CLASP2: variants seen among roughly 807,000 people sequenced by gnomAD.
The protein encoded by CLASP2 is CLIP-associating protein 2.
CLASP2 carries 47 observed loss-of-function variants against 194.4 expected under a neutral mutation model. The observed-to-expected ratio is 0.24, with a 90% CI of 0.19 to 0.31. The LOEUF is 0.31. CLASP2 is among the 10% of genes least tolerant of loss of function. The pLI is 1.00. For missense variants in CLASP2, 1,445 were observed against 1,823.6 expected (o/e 0.79, Z 3.78); for synonymous variants, 619 against 633.5 (o/e 0.98, Z 0.34).
chr3:33,627,798 A>C (rs553714818), intron 9 of CLASP2, among the ~76,000 whole-genome samples: 1 of 152,312 alleles, frequency 6.6e-6, no homozygotes, highest in African/African-American at 2.4e-5. Context: ...ACCTATGAGG[A>C]AAGTCAAGCT....
chr3:33,622,456 G>A (rs1347610609), intron 10 of CLASP2, among the ~76,000 whole-genome samples, 176 bp from the exon 11 acceptor site: 1 of 152,052 alleles, frequency 6.6e-6, no homozygotes, highest in East Asian at 1.9e-4. Flanking sequence ...AAATAAATAT[G>A]CCAACAAAAA....
chr3:33,614,721 G>A (rs577343240), intron 12 of CLASP2, among the ~76,000 whole-genome samples: 2 of 152,284 alleles, frequency 1.3e-5, no homozygotes, highest in Admixed American at 6.5e-5. Context: ...GGAAGGCCAA[G>A]GCAGGCGGAT....
chr3:33,529,719 C>T (rs1021139051), intron 34 of CLASP2, among the ~76,000 whole-genome samples: 7 of 152,168 alleles, frequency 4.6e-5, no homozygotes, highest in African/African-American at 1.2e-4. Flanking sequence ...CGGTGGCTCA[C>T]GCCTGTAATC....
intron 2 of CLASP2, among the ~76,000 whole-genome samples, chr3:33,691,543 A>G (rs926271002): frequency 6.6e-6 from 1 of 152,212 alleles, no homozygotes; most frequent in African/African-American, 2.4e-5. Flanking sequence ...CATAAGAATC[A>G]TAAGTCTAAT....
At chr3:33,585,884 G>C (rs2067251022) in intron 21 of CLASP2, among the ~76,000 whole-genome samples, 1 of 151,902 alleles carries the variant, frequency 6.6e-6, no homozygotes, top group African/African-American at 2.4e-5. Context: ...TTTTAAAATA[G>C]TTTGCCTGCT....
chr3:33,636,215 G>C (rs1472382322), intron 8 of CLASP2, among the ~76,000 whole-genome samples: 1 of 152,078 alleles, frequency 6.6e-6, no homozygotes, highest in Non-Finnish European at 1.5e-5. Flanking sequence ...AGTAAAGAAG[G>C]TGCATTTCAC....
chr3:33,656,816 T>C (rs1440842774), intron 7 of CLASP2, among the ~76,000 whole-genome samples: 2 of 152,030 alleles, frequency 1.3e-5, no homozygotes, highest in African/African-American at 2.4e-5. Flanking sequence ...AACACGATAG[T>C]ATTTTTTTAA....
chr3:33,679,523 T>C (rs2089432209), intron 6 of CLASP2, among the ~76,000 whole-genome samples: 1 of 152,024 alleles, frequency 6.6e-6, no homozygotes, highest in Non-Finnish European at 1.5e-5. Context: ...AAAAAAGAAC[T>C]CTTAAAACTC....
intron 23 of CLASP2, 26 bp from the exon 24 acceptor site, chr3:33,576,301 G>T: frequency 6.4e-7 from 1 of 1,567,298 alleles, no homozygotes; most frequent in Non-Finnish European, 8.8e-7. Flanking sequence ...AAGGAAAATA[G>T]ATTTGAAGGA....
chr3:33,555,163 A>G (rs1023632862), intron 29 of CLASP2, among the ~76,000 whole-genome samples: 2 of 152,226 alleles, frequency 1.3e-5, no homozygotes, highest in African/African-American at 2.4e-5. Context: ...ATGCATACAT[A>G]TATCAAAACA....
intron 38 of CLASP2, among the ~76,000 whole-genome samples, chr3:33,501,059 G>A (rs1473916962): frequency 1.3e-5 from 2 of 152,164 alleles, no homozygotes; most frequent in Non-Finnish European, 2.9e-5. Context: ...TTAGCAGAAT[G>A]AATTTTAAAG....
chr3:33,622,110 CTT>C (rs1357474067), intron 11 of CLASP2, 23 bp downstream of exon 11: 59 of 1,496,674 alleles, frequency 3.9e-5, no homozygotes, highest in African/African-American at 8.5e-5. Context: ...ATAAAAAACA[CTT>C]ATCATAAAAG....
At chr3:33,717,518 C>A (rs747021208) in intron 1 of CLASP2, among the ~76,000 whole-genome samples, 41 of 152,070 alleles carry the variant, frequency 2.7e-4, no homozygotes, top group Non-Finnish European at 5.0e-4. Flanking sequence ...CCTCTGCCTG[C>A]TAGATTCAAG....
At chr3:33,627,585 C>T (rs1236346614) in intron 9 of CLASP2, among the ~76,000 whole-genome samples, 1 of 152,088 alleles carries the variant, frequency 6.6e-6, no homozygotes, top group Non-Finnish European at 1.5e-5. Flanking sequence ...ATTCATTTAA[C>T]AAATATTCAC....
intron 36 of CLASP2, among the ~76,000 whole-genome samples, chr3:33,515,550 T>C (rs2051068121): frequency 6.6e-6 from 1 of 152,128 alleles, no homozygotes; most frequent in Non-Finnish European, 1.5e-5. Context: ...CTCGGGAAGC[T>C]GAGGTGGGAA....
chr3:33,526,958 T>A (rs905269289), intron 34 of CLASP2, among the ~76,000 whole-genome samples: 2 of 152,146 alleles, frequency 1.3e-5, no homozygotes, highest in South Asian at 2.1e-4. Context: ...GACATTAGAA[T>A]CTTTGAGATA....
rs147909077 is a variant in CLASP2 at position 33,592,667 on chromosome 3, C to T, written c.1967-171G>A. The T allele has an allele frequency of 3.4e-5, 22 of 654,632 alleles. No individual in the cohort carries two copies. In the East Asian group the frequency reaches 3.7e-4, roughly 11 times the overall value. The allele number at this position is 654,632 out of a possible 1,614,324, so 40.6% of individuals were successfully genotyped here. On this transcript the variant is annotated intron_variant, in intron 20 of 38. Transcript: ENST00000682230. ...TTTATAAACAGTAATTTTTTTTTTA[C>T]GTGTTATACCATAAGCTAATTTTCC... is the stretch of plus-strand genomic sequence containing the variant.
At chr3:33,643,710 T>C (rs1055306096) in intron 8 of CLASP2, among the ~76,000 whole-genome samples, 1 of 151,966 alleles carries the variant, frequency 6.6e-6, no homozygotes, top group African/African-American at 2.4e-5. Context: ...GAAATACTTA[T>C]GATAGTTTTT....
chr3:33,670,438 T>A, intron 6 of CLASP2, among the ~76,000 whole-genome samples: 1 of 152,318 alleles, frequency 6.6e-6, no homozygotes, highest in East Asian at 1.9e-4. Flanking sequence ...ATTTAAAATA[T>A]TTTTTTAAAA....
Sources: allele counts gnomAD v4.1 joint callset (sites outside exome capture counted in the v4.1 genomes callset), GRCh38; gene constraint gnomAD v4.1.1; transcripts MANE v1.5; gene names NCBI Gene and HGNC (gene_info 2026-07-23, HGNC 2026-07-21).